Variants in LRRC4C observed in about 807,000 individuals in gnomAD.
LRRC4C encodes the protein leucine rich repeat containing 4C, also known as leucine-rich repeat-containing protein 4C.
Under a neutral mutation model 33.6 loss-of-function variants are expected in LRRC4C, and 5 were observed. That is an observed-to-expected ratio of 0.15 (90% CI 0.08 to 0.31). The LOEUF (loss-of-function observed/expected upper bound fraction) is 0.31. LRRC4C is among the 10% of genes least tolerant of loss of function. The pLI is 1.00. For synonymous variants in LRRC4C, 329 were observed against 302.0 expected, an observed-to-expected ratio of 1.09 and a Z score of -0.93; for missense variants, 560 against 796.7, an observed-to-expected ratio of 0.70 and a Z score of 3.58.
chr11:40,259,309 T>G (rs1039257743), intron 4 of LRRC4C, among the ~76,000 whole-genome samples: 1 of 152,020 alleles, frequency 6.6e-6, no homozygotes. Context: ...TTCTGGATAT[T>G]AGCCCTTTGT....
At chr11:40,607,175 C>A (rs1290548245) in intron 3 of LRRC4C, among the ~76,000 whole-genome samples, 1 of 152,146 alleles carries the variant, frequency 6.6e-6, no homozygotes. Flanking sequence ...GGGAGTTTAT[C>A]ACCACTAGAC....
At chr11:41,163,615 G>T (rs934202173) in intron 1 of LRRC4C, among the ~76,000 whole-genome samples, 4 of 143,114 alleles carry the variant, frequency 2.8e-5, no homozygotes, top group Admixed American at 1.4e-4. Context: ...TTTAAAAACT[G>T]TTTTTTTTTT....
chr11:40,147,804 T>C (rs528247428), intron 5 of LRRC4C, among the ~76,000 whole-genome samples: 108 of 152,234 alleles, frequency 7.1e-4, no homozygotes, highest in Non-Finnish European at 9.3e-4. Context: ...ATAGGTAAAC[T>C]TGTGTCATGG....
chr11:40,865,773 TA>T (rs1386926911), intron 2 of LRRC4C, among the ~76,000 whole-genome samples: 2 of 151,824 alleles, frequency 1.3e-5, no homozygotes, highest in Non-Finnish European at 2.9e-5. Context: ...TAAAGGTAAA[TA>T]TTTTTCCTAT....
intron 2 of LRRC4C, among the ~76,000 whole-genome samples, chr11:40,932,413 G>A (rs1425097865): frequency 6.6e-6 from 1 of 152,064 alleles, no homozygotes; most frequent in Non-Finnish European, 1.5e-5. Context: ...GGGCTAATGT[G>A]GGGAAGAACA....
intron 1 of LRRC4C, among the ~76,000 whole-genome samples, chr11:41,083,947 T>G (rs1342073155): frequency 1.3e-5 from 2 of 152,258 alleles, no homozygotes; most frequent in Non-Finnish European, 2.9e-5. Context: ...TTTGCAAGAT[T>G]GTAAACTGCT....
At chr11:41,182,438 T>C (rs937027571) in intron 1 of LRRC4C, among the ~76,000 whole-genome samples, 1 of 152,200 alleles carries the variant, frequency 6.6e-6, no homozygotes, top group South Asian at 2.1e-4. Context: ...AAAATCATTA[T>C]GTCTTCAAGT....
intron 3 of LRRC4C, among the ~76,000 whole-genome samples, chr11:40,598,691 CT>C (rs1384138556): frequency 1.3e-5 from 2 of 152,058 alleles, no homozygotes; most frequent in Non-Finnish European, 2.9e-5. Context: ...GAATTAAGGC[CT>C]TTTTATATAT....
At chr11:40,408,736 T>C (rs900336040) in intron 3 of LRRC4C, among the ~76,000 whole-genome samples, 1 of 151,878 alleles carries the variant, frequency 6.6e-6, no homozygotes, top group Non-Finnish European at 1.5e-5. Flanking sequence ...TAAATGTCCA[T>C]GAAAACTATA....
At chr11:40,977,752 A>C (rs1852190865) in intron 1 of LRRC4C, among the ~76,000 whole-genome samples, 1 of 152,160 alleles carries the variant, frequency 6.6e-6, no homozygotes, top group Non-Finnish European at 1.5e-5. Flanking sequence ...TTCCAAATGC[A>C]ACTCAATCAT....
chr11:40,729,612 A>C (rs1460084548), intron 2 of LRRC4C, among the ~76,000 whole-genome samples: 1 of 152,182 alleles, frequency 6.6e-6, no homozygotes, highest in Non-Finnish European at 1.5e-5. Flanking sequence ...TCAATGCCTA[A>C]GGATGGAGAC....
chr11:40,619,829 T>C (rs1395474557), intron 3 of LRRC4C, among the ~76,000 whole-genome samples: 2 of 151,492 alleles, frequency 1.3e-5, no homozygotes, highest in African/African-American at 4.8e-5. Flanking sequence ...CTTCCACACA[T>C]TTTCTCGGTG....
At chr11:41,356,064 T>C (rs1018454434) in intron 1 of LRRC4C, among the ~76,000 whole-genome samples, 12 of 152,176 alleles carry the variant, frequency 7.9e-5, no homozygotes, top group African/African-American at 2.7e-4. Context: ...ACTTTGTTTC[T>C]GAAAATATAA....
intron 2 of LRRC4C, among the ~76,000 whole-genome samples, chr11:40,800,790 T>G (rs559720669): frequency 6.6e-6 from 1 of 152,250 alleles, no homozygotes; most frequent in African/African-American, 2.4e-5. Flanking sequence ...AAAAAAAAGC[T>G]TTTTCAGATA....
At chr11:40,766,429 A>G (rs1353067355) in intron 2 of LRRC4C, among the ~76,000 whole-genome samples, 1 of 149,492 alleles carries the variant, frequency 6.7e-6, no homozygotes, top group Non-Finnish European at 1.5e-5. Flanking sequence ...ACTCACTGGT[A>G]ATAGAAAGTA....
chr11:40,757,358 C>A (rs544731901), intron 2 of LRRC4C, among the ~76,000 whole-genome samples: 3 of 152,192 alleles, frequency 2.0e-5, no homozygotes, highest in African/African-American at 7.2e-5. Context: ...GACTCTTAAA[C>A]TTGCCTCTGA....
At chr11:40,552,598 A>G (rs1957169183) in intron 3 of LRRC4C, among the ~76,000 whole-genome samples, 3 of 152,166 alleles carry the variant, frequency 2.0e-5, no homozygotes, top group African/African-American at 7.2e-5. Context: ...ACATAAGGCC[A>G]ACTTCACTCA....
At chr11:40,447,352 G>C (rs550730039) in intron 3 of LRRC4C, among the ~76,000 whole-genome samples, 45 of 152,286 alleles carry the variant, frequency 3.0e-4, no homozygotes, top group Middle Eastern at 3.4e-3. Flanking sequence ...TCCAACCCCA[G>C]ACCAGCAGAG....
intron 1 of LRRC4C, among the ~76,000 whole-genome samples, chr11:40,965,338 G>C (rs573847427): frequency 6.6e-6 from 1 of 151,796 alleles, no homozygotes; most frequent in Non-Finnish European, 1.5e-5. Flanking sequence ...CTCTGATGGT[G>C]GTTTCTTTTG....
Sources: allele counts gnomAD v4.1 joint callset (sites outside exome capture counted in the v4.1 genomes callset), GRCh38; gene constraint gnomAD v4.1.1; transcripts MANE v1.5; gene names NCBI Gene and HGNC (gene_info 2026-07-23, HGNC 2026-07-21).